The following MCPH1 variants were observed in gnomAD, a reference collection of about 807,000 sequenced individuals.
MCPH1 encodes the protein microcephalin 1.
A neutral mutation model predicts 84.5 loss-of-function variants in MCPH1; 104 were observed. The observed-to-expected ratio is 1.23, with a 90% CI of 1.05 to 1.45. The LOEUF (loss-of-function observed/expected upper bound fraction) is 1.45. Among genes scored for constraint, MCPH1 ranks in the 40% most tolerant of loss-of-function variants. The pLI is 0.00. For missense variants in MCPH1, 1,498 were observed against 1,005.7 expected (o/e 1.49, Z -6.62); for synonymous variants, 514 against 366.8 (o/e 1.40, Z -4.58).
chr8:6,637,779 G>T (rs7836799), intron 13 of MCPH1, among the ~76,000 whole-genome samples: 100 of 152,202 alleles, frequency 6.6e-4, no homozygotes, highest in African/African-American at 2.4e-3. Context: ...TTTTTTTAAT[G>T]GAAGCAGAGA....
intron 12 of MCPH1, among the ~76,000 whole-genome samples, chr8:6,609,759 T>C (rs1319536531): frequency 1.3e-5 from 2 of 149,992 alleles, no homozygotes; most frequent in Non-Finnish European, 3.0e-5. Context: ...TGCCATGCTC[T>C]TTGACAACAT....
intron 13 of MCPH1, among the ~76,000 whole-genome samples, chr8:6,640,111 T>C (rs945358616): frequency 4.7e-5 from 7 of 148,970 alleles, no homozygotes; most frequent in East Asian, 4.0e-4. Flanking sequence ...CGCGCGTGTG[T>C]GTGTGTGTGC....
intron 12 of MCPH1, among the ~76,000 whole-genome samples, chr8:6,617,879 C>CATCCATCTATCTATCTATCTA (rs1830984295): frequency 1.4e-4 from 17 of 119,884 alleles, no homozygotes; most frequent in African/African-American, 4.8e-4. Flanking sequence ...GTCTATCATC[C>CATCCATCTATCTATCTATCTA]ATCTATCTAT....
chr8:6,562,128 G>C (rs1187731451), intron 12 of MCPH1, among the ~76,000 whole-genome samples: 1 of 152,196 alleles, frequency 6.6e-6, no homozygotes, highest in African/African-American at 2.4e-5. Flanking sequence ...CGTTTACCAA[G>C]AGTCACAACC....
In MCPH1 at chr8:6,509,198, C is replaced by G; in HGVS notation, c.2214+9269C>G. 3.6e-6 allele frequency: 4 copies of G among 1,112,844 alleles called. No homozygotes were observed. The South Asian group carries it at 4.8e-5, about 13-fold the overall frequency. 68.9% of individuals were successfully genotyped at this position (1,112,844 alleles called of 1,614,324 possible). A position where few individuals can be genotyped will look rare whatever the true frequency, so the allele number is the denominator to read the frequency against. ...TTAATGGACTAATGCATACTCTGGACAAAATATTTTGCACTGGTATAAACA... is the reference window on the plus strand; with the variant it reads ...TTAATGGACTAATGCATACTCTGGAGAAAATATTTTGCACTGGTATAAACA... On this transcript the variant is annotated intron_variant, in intron 12 of 13. Coordinates refer to ENST00000344683, the MANE Select transcript of MCPH1 (RefSeq NM_024596.5).
chr8:6,578,625 A>G (rs540309356), intron 12 of MCPH1, among the ~76,000 whole-genome samples: 2 of 152,360 alleles, frequency 1.3e-5, no homozygotes, highest in East Asian at 1.9e-4. Context: ...AAATAGAAGA[A>G]CTAGAATAAG....
chr8:6,497,983 C>T (rs1349352346), intron 11 of MCPH1, among the ~76,000 whole-genome samples: 1 of 152,130 alleles, frequency 6.6e-6, no homozygotes, highest in Non-Finnish European at 1.5e-5. Flanking sequence ...CCTTCCCTGC[C>T]TTGAACAGGA....
At chr8:6,433,739 A>C (rs1028485870) in intron 4 of MCPH1, among the ~76,000 whole-genome samples, 1 of 151,090 alleles carries the variant, frequency 6.6e-6, no homozygotes, top group Admixed American at 6.6e-5. Flanking sequence ...GATTGCTTGT[A>C]CACTTTACCA....
At chr8:6,411,772 A>G (rs1440620663) in intron 2 of MCPH1, among the ~76,000 whole-genome samples, 1 of 152,210 alleles carries the variant, frequency 6.6e-6, no homozygotes, top group Non-Finnish European at 1.5e-5. Context: ...AAAAAACAGT[A>G]TATAACCTGT....
At chr8:6,458,353 T>A (rs2129557167) in intron 9 of MCPH1, among the ~76,000 whole-genome samples, 1 of 151,524 alleles carries the variant, frequency 6.6e-6, no homozygotes, top group African/African-American at 2.4e-5. Context: ...GCGCCTGTAG[T>A]CCCAGCTCCT....
At position 6,643,762 on chromosome 8, in the gene MCPH1, CCT is replaced by C. The variant is rs757541311; in HGVS notation, c.*718_*719del. 1 of 147,502 alleles carries C rather than the reference CCT, an allele frequency of 6.8e-6. No homozygotes were observed. Among genetic ancestry groups the C allele is most frequent in the Non-Finnish European group, 1.5e-5 (1 of 65,442 alleles). The allele number at this position is 147,502 out of a possible 1,614,324, so 9.1% of individuals were successfully genotyped here. A position where few individuals can be genotyped will look rare whatever the true frequency, so the allele number is the denominator to read the frequency against. On this transcript the variant is annotated 3_prime_UTR_variant, in exon 14 of 14. Transcript: ENST00000344683. ...AGGTGACTTTTATCTAGCGGAGATT[CCT>C]CTCTTAAAGTAATGAAAGGAGATAG... is the stretch of plus-strand genomic sequence containing the variant.
Position 6,445,550 on chromosome 8 carries a change from A to C in MCPH1, c.1825+3A>C, listed in dbSNP as rs768827309. On this transcript the variant is annotated splice_donor_region_variant and intron_variant, in intron 8 of 13. Transcript: ENST00000344683. ...CTTACCCGGAGGATACAGTGGAAGT[A>C]TGTGAATCTCCTTTTCCAAGTCACC... The C allele has an allele frequency of 1.3e-6, 2 of 1,576,156 alleles. No homozygotes were observed. Among genetic ancestry groups the C allele is most frequent in the Non-Finnish European group, 1.7e-6 (2 of 1,164,218 alleles).
chr8:6,409,186 C>G (rs1408352129), intron 1 of MCPH1, 93 bp from the exon 2 acceptor site: 1 of 1,088,706 alleles, frequency 9.2e-7, no homozygotes, highest in Admixed American at 1.8e-5. Flanking sequence ...GTGCCGGCCT[C>G]GGTTTACTCT....
At chr8:6,489,146 A>C (rs946779584) in intron 11 of MCPH1, among the ~76,000 whole-genome samples, 1 of 152,208 alleles carries the variant, frequency 6.6e-6, no homozygotes. Context: ...TGGACATTCA[A>C]ATAGAGATAC....
At chr8:6,548,449 G>A (rs763947847) in intron 12 of MCPH1, among the ~76,000 whole-genome samples, 12 of 152,152 alleles carry the variant, frequency 7.9e-5, no homozygotes, top group Non-Finnish European at 1.6e-4. Context: ...ATCCCCAGTG[G>A]TCGCTAGCTC....
chr8:6,436,182 A>G lies in MCPH1; in HGVS notation c.436+20A>G, dbSNP rs748386033. 1.9e-6 allele frequency: 3 copies of G among 1,610,064 alleles called. No homozygotes were observed. Among genetic ancestry groups the G allele is most frequent in the Non-Finnish European group, 2.5e-6 (3 of 1,178,372 alleles). ...ATCTAGGTAAGCTAAGAAATATAAT[A>G]CAGTTCTTTGCATTTGTGTCCATAC... On this transcript the variant is annotated intron_variant, in intron 5 of 13. Transcript: ENST00000344683.
intron 3 of MCPH1, among the ~76,000 whole-genome samples, chr8:6,419,825 T>G (rs535458478): frequency 4.6e-5 from 7 of 152,084 alleles, no homozygotes; most frequent in African/African-American, 1.7e-4. Context: ...AGTTCAAGGG[T>G]TTTGTTATAT....
At chr8:6,484,758 G>T (rs1299677693) in intron 11 of MCPH1, among the ~76,000 whole-genome samples, 2 of 152,204 alleles carry the variant, frequency 1.3e-5, no homozygotes, top group Non-Finnish European at 2.9e-5. Flanking sequence ...TTGAATAGCT[G>T]GTCTCAGAAG....
At position 6,445,224 on chromosome 8, in the gene MCPH1, C is replaced by G; in HGVS notation, c.1502C>G (p.Ser501Cys). The change falls in exon 8 of 14, where the codon TCT becomes TGT. Residue 501 changes from serine to cysteine, a missense_variant. Transcript: ENST00000344683. ...EGRATSSCVT[S>C]APEEALRCCR... ...CGTGCAACTTCGAGTTGCGTGACTTCTGCCCCTGAAGAAGCCCTAAGGTGT... is the reference window on the plus strand; with the variant it reads ...CGTGCAACTTCGAGTTGCGTGACTTGTGCCCCTGAAGAAGCCCTAAGGTGT... The G allele has an allele frequency of 6.2e-7, 1 of 1,614,258 alleles. No individual in the cohort carries two copies. Among genetic ancestry groups the G allele is most frequent in the Non-Finnish European group, 8.5e-7 (1 of 1,180,050 alleles).
Sources: gnomAD v4.1 joint callset for allele counts (sites outside exome capture counted in the v4.1 genomes callset) on GRCh38, gnomAD v4.1.1 for gene constraint, MANE v1.5 for transcripts, NCBI Gene and HGNC (gene_info 2026-07-23, HGNC 2026-07-21) for gene names.